Variants in PCDHGA6 observed in about 807,000 individuals in gnomAD.
The protein encoded by PCDHGA6 is protocadherin gamma-A6.
PCDHGA6 carries 41 observed loss-of-function variants against 60.6 expected under a neutral mutation model. That is an observed-to-expected ratio of 0.68 (90% CI 0.53 to 0.88). The LOEUF is 0.88. Among genes scored for constraint, PCDHGA6 ranks in the 40% least tolerant of loss-of-function variants. The pLI is 0.00. For missense variants in PCDHGA6, 1,312 were observed against 1,203.0 expected, an observed-to-expected ratio of 1.09 and a Z score of -1.34; for synonymous variants, 594 against 524.4, an observed-to-expected ratio of 1.13 and a Z score of -1.81.
rs770249472 is a variant in PCDHGA6, at chr5:141,477,747, C to T, written c.2425-17060C>T. On this transcript the variant is annotated intron_variant, in intron 1 of 3. Transcript: ENST00000517434. The surrounding 1 kb of genome is among the most constrained non-coding windows in gnomAD (Gnocchi z 4.9). ...ACAGCTCATATCAGCGATGGGGGCA[C>T]CCCGGTCCTAGCCACCAACATCAGC... 6.2e-7 allele frequency: 1 copy of T among 1,613,840 alleles called. No individual in the cohort carries two copies. The highest frequency in any genetic ancestry group is 1.7e-5 in the Admixed American group (1 of 60,026).
Position 141,431,877 on chromosome 5 carries a change from A to G in PCDHGA6, c.2424+55370A>G. On this transcript the variant is annotated intron_variant, in intron 1 of 3. Coordinates refer to ENST00000517434, the MANE Select transcript of PCDHGA6 (RefSeq NM_018919.3). The surrounding 1 kb of genome is among the most constrained non-coding windows in gnomAD (Gnocchi z 4.8). ...TTAATTGCCCTTTTAAATGTAAATG[A>G]CCAAGATTCTGAGGAAAACGGACAG... is the stretch of plus-strand genomic sequence containing the variant. 8 of 1,614,230 alleles carry G rather than the reference A, an allele frequency of 5.0e-6. No individual in the cohort carries two copies. Among genetic ancestry groups the G allele is most frequent in the Non-Finnish European group, 6.8e-6 (8 of 1,180,016 alleles).
chr5:141,403,370 G>T (rs752870915), intron 1 of PCDHGA6: 25 of 1,614,064 alleles, frequency 1.5e-5, no homozygotes, highest in Non-Finnish European at 1.9e-5. Flanking sequence ...AAGTCTGGAA[G>T]TAAAAATTAA....
At chr5:141,418,520 C>T (rs766042374) in intron 1 of PCDHGA6, 3 of 1,613,936 alleles carry the variant, frequency 1.9e-6, no homozygotes, top group Non-Finnish European at 2.5e-6. Flanking sequence ...TGGGGACCCT[C>T]CCCGAAGCGG....
chr5:141,427,626 C>T, intron 1 of PCDHGA6: 1 of 699,934 alleles, frequency 1.4e-6, no homozygotes, highest in Non-Finnish European at 2.6e-6. Flanking sequence ...CGACAATGCT[C>T]CGGTTTTCCA....
chr5:141,436,118 T>C (rs188307595), intron 1 of PCDHGA6, among the ~76,000 whole-genome samples: 5 of 152,310 alleles, frequency 3.3e-5, no homozygotes, highest in Admixed American at 2.0e-4. Flanking sequence ...ATGAAACCTC[T>C]CTCCTCCATC....
intron 1 of PCDHGA6, among the ~76,000 whole-genome samples, chr5:141,435,770 C>G (rs1445835726): frequency 6.6e-6 from 1 of 152,070 alleles, no homozygotes; most frequent in Non-Finnish European, 1.5e-5. Context: ...TTGGTGAATT[C>G]TGTAAAGGTG....
At chr5:141,509,136 C>T (rs1217992935) in intron 3 of PCDHGA6, among the ~76,000 whole-genome samples, 1 of 152,142 alleles carries the variant, frequency 6.6e-6, no homozygotes, top group Non-Finnish European at 1.5e-5. Context: ...AAAACCGAGG[C>T]GCATCCCGGC....
chr5:141,505,326 G>A, intron 2 of PCDHGA6, 67 bp from the exon 3 acceptor site: 2 of 1,607,648 alleles, frequency 1.2e-6, no homozygotes, highest in East Asian at 2.2e-5. Context: ...AGCCCTGGGA[G>A]AGGACAGGAG....
At chr5:141,386,234 T>A (rs570347588) in intron 1 of PCDHGA6, among the ~76,000 whole-genome samples, 2 of 152,292 alleles carry the variant, frequency 1.3e-5, no homozygotes, top group Admixed American at 6.5e-5. Context: ...TACTGAAAAA[T>A]TCAGTTGGAA....
At chr5:141,383,757 T>A (rs557236350) in intron 1 of PCDHGA6, 1 of 1,613,992 alleles carries the variant, frequency 6.2e-7, no homozygotes, top group East Asian at 2.2e-5. Context: ...AAATAACTCC[T>A]AAACTTCCAA....
In PCDHGA6 at chr5:141,485,101, T is replaced by C; in HGVS notation, c.2425-9706T>C. On this transcript the variant is annotated intron_variant, in intron 1 of 3. Coordinates refer to ENST00000517434, the MANE Select transcript of PCDHGA6 (RefSeq NM_018919.3). The surrounding 1 kb of genome is among the most constrained non-coding windows in gnomAD (Gnocchi z 5.7). ...GGAAAGGGAGATAGGTGTCTCCAGC[T>C]GCTGTGGCTGTTTGGGGCGGGTCGG... 1 of 1,158,208 alleles carries C rather than the reference T, an allele frequency of 8.6e-7. No homozygotes were observed. Among genetic ancestry groups the C allele is most frequent in the South Asian group, 1.4e-5 (1 of 72,622 alleles). The allele number at this position is 1,158,208 out of a possible 1,614,324, so 71.7% of individuals were successfully genotyped here.
At chr5:141,383,533 C>T (rs2240698) in intron 1 of PCDHGA6, 21,821 of 1,612,448 alleles carry the variant, frequency 0.014, 752 homozygotes, top group East Asian at 0.14. Flanking sequence ...CCACCTGGTC[C>T]TCACAGCCTC....
In PCDHGA6 at chr5:141,409,805, C is replaced by G. The variant is rs751397816; in HGVS notation, c.2424+33298C>G. ...CGCCTTCGCGCTCACGCTGCAGGCC[C>G]GCGACCACGGCTCGCCCACGCTCAG... On this transcript the variant is annotated intron_variant, in intron 1 of 3. Coordinates refer to ENST00000517434, the MANE Select transcript of PCDHGA6 (RefSeq NM_018919.3). 8 of 1,611,512 alleles carry G rather than the reference C, an allele frequency of 5.0e-6. No individual in the cohort carries two copies. In the African/African-American group the frequency reaches 5.3e-5, roughly 11 times the overall value.
At chr5:141,427,958 G>A (rs1266312663) in intron 1 of PCDHGA6, 3 of 1,588,290 alleles carry the variant, frequency 1.9e-6, no homozygotes, top group Admixed American at 1.7e-5. Context: ...ACAATGTGCC[G>A]CGGGTGCTGT....
chr5:141,496,663 G>A (rs2099770279), intron 2 of PCDHGA6, among the ~76,000 whole-genome samples: 1 of 152,196 alleles, frequency 6.6e-6, no homozygotes, highest in Admixed American at 6.5e-5. Context: ...GACCCCAGCT[G>A]TTGTCCTTCT....
Position 141,417,921 on chromosome 5 carries a change from T to G in PCDHGA6, c.2424+41414T>G, listed in dbSNP as rs771406905. 7.5e-6 allele frequency: 12 copies of G among 1,607,746 alleles called. No homozygotes were observed. The Admixed American group carries it at 1.7e-4, about 23-fold the overall frequency. On this transcript the variant is annotated intron_variant, in intron 1 of 3. Transcript: ENST00000517434. ...CCGCGGCAGGTACTATTTCCTTTGC[T>G]GCTGCCTTTGTTCTACCCCACGCTG...
chr5:141,375,588 C>A lies in PCDHGA6; in HGVS notation c.1505C>A (p.Ser502Tyr). 6.2e-7 allele frequency: 1 copy of A among 1,614,180 alleles called. No homozygotes were observed. Among genetic ancestry groups the A allele is most frequent in the Non-Finnish European group, 8.5e-7 (1 of 1,180,024 alleles). The stretch of plus-strand genomic sequence containing the variant: ...GACACCCTCCAGGGGGCGCCCCTGT[C>A]CTCCTACGTGTCCATCAACTCCGAC... ...AEDTLQGAPLSSYVSINSDTG... is the reference protein window; with the variant it reads ...AEDTLQGAPLYSYVSINSDTG... The change falls in exon 1 of 4, where the codon TCC (serine) becomes TAC (tyrosine). Residue 502 changes from serine to tyrosine, a missense_variant. Ser to Tyr is a moderately radical substitution (Grantham distance 144). Transcript: ENST00000517434.
At position 141,476,105 on chromosome 5, in the gene PCDHGA6, C is replaced by T; in HGVS notation, c.2425-18702C>T. ...ATCTGGACCCCGCTGAGAGGAACTG[C>T]TTTTGAGTGAGATGGTCCCAGAGGC... On this transcript the variant is annotated intron_variant, in intron 1 of 3. Coordinates refer to ENST00000517434, the MANE Select transcript of PCDHGA6 (RefSeq NM_018919.3). This position sits in a 1 kb window ranked among gnomAD's most constrained non-coding sequence, Gnocchi z 7.6. 2.5e-6 allele frequency: 4 copies of T among 1,585,450 alleles called. No homozygotes were observed. The highest frequency in any genetic ancestry group is 3.4e-6 in the Non-Finnish European group (4 of 1,168,874).
intron 1 of PCDHGA6, chr5:141,419,733 AGGTGCGCATGGTGCGTGCTTTG>A (rs763538035): frequency 1.1e-5 from 18 of 1,613,646 alleles, no homozygotes; most frequent in Non-Finnish European, 1.4e-5. Context: ...CGAACAGGCG[AGGTGCGCATGGTGCGTGCTTTG>A]GGTGACAAGG....
Sources: allele counts gnomAD v4.1 joint callset (sites outside exome capture counted in the v4.1 genomes callset), GRCh38; gene constraint gnomAD v4.1.1; non-coding constraint Gnocchi (gnomAD v3.1); transcripts MANE v1.5; gene names NCBI Gene and HGNC (gene_info 2026-07-23, HGNC 2026-07-21).